The following EPG5 variants were observed in gnomAD, a reference collection of about 807,000 sequenced individuals.
EPG5 encodes ectopic P granules protein 5 homolog.
EPG5 carries 159 observed loss-of-function variants against 302.7 expected under a neutral mutation model. That is an observed-to-expected ratio of 0.53 (90% CI 0.46 to 0.60). The LOEUF is 0.60. EPG5 is among the 20% of genes least tolerant of loss of function. The pLI, the probability that EPG5 is intolerant of heterozygous loss-of-function variation, is 0.00. For missense variants in EPG5, 2,896 were observed against 3,092.4 expected, an observed-to-expected ratio of 0.94 and a Z score of 1.51; for synonymous variants, 1,158 against 1,136.8, an observed-to-expected ratio of 1.02 and a Z score of -0.37.
chr18:45,967,075 G>T, intron 1 of EPG5, 102 bp downstream of exon 1: 1 of 1,149,970 alleles, frequency 8.7e-7, no homozygotes, highest in Non-Finnish European at 1.2e-6. Flanking sequence ...AAGATGCAGA[G>T]GGCTCAGGGA....
chr18:45,866,087 T>C (rs750782357), intron 38 of EPG5, among the ~76,000 whole-genome samples: 3 of 151,684 alleles, frequency 2.0e-5, no homozygotes, highest in Non-Finnish European at 4.4e-5. Flanking sequence ...TCGAATTCAA[T>C]CCTCAAAACA....
chr18:45,835,509 A>G, the EPG5 span, among the ~76,000 whole-genome samples: 1 of 152,220 alleles, frequency 6.6e-6, no homozygotes, highest in African/African-American at 2.4e-5. Context: ...CAGGAAGAGA[A>G]GAGAAAAAAT....
chr18:45,922,209 C>T, intron 16 of EPG5, 132 bp downstream of exon 16: 2 of 1,133,176 alleles, frequency 1.8e-6, no homozygotes, highest in South Asian at 1.6e-5. Context: ...AGCTGTTAAT[C>T]AAGGATTATT....
At chr18:45,921,509 C>T (rs975815997) in intron 16 of EPG5, among the ~76,000 whole-genome samples, 1 of 152,184 alleles carries the variant, frequency 6.6e-6, no homozygotes, top group Non-Finnish European at 1.5e-5. Flanking sequence ...AAAATGGTAA[C>T]ACAAGACAAA....
intron 38 of EPG5, 110 bp from the exon 39 acceptor site, chr18:45,865,869 G>C (rs1324559388): frequency 7.9e-7 from 1 of 1,268,202 alleles, no homozygotes. Flanking sequence ...AGGGAGTAGA[G>C]GGGACAGAAC....
chr18:45,881,855 C>T (rs28460769), intron 31 of EPG5, among the ~76,000 whole-genome samples: 5,703 of 152,234 alleles, frequency 0.037, 316 homozygotes, highest in African/African-American at 0.12. Flanking sequence ...AAAGGAAAAA[C>T]TCCCAAAATG....
intron 5 of EPG5, 122 bp downstream of exon 5, chr18:45,949,362 A>G: frequency 1.7e-6 from 1 of 593,494 alleles, no homozygotes; most frequent in Admixed American, 3.2e-5. Flanking sequence ...ATATTTTAAG[A>G]ATTTTATTTT....
chr18:45,905,495 T>C (rs1039107024), intron 24 of EPG5, among the ~76,000 whole-genome samples: 1 of 152,220 alleles, frequency 6.6e-6, no homozygotes, highest in Non-Finnish European at 1.5e-5. Context: ...GAGTGTTCAA[T>C]GTGCTGGGCT....
Position 45,850,150 on chromosome 18 carries a change from TG to T in EPG5, c.*2316del, listed in dbSNP as rs938287168. ...CCCGATGCCACTGTTGGCCACCCTG[TG>T]GTGAAGTCTGGAGCCTGCAGCCGTT... On this transcript the variant is annotated 3_prime_UTR_variant, in exon 44 of 44. Transcript: ENST00000282041. 8.5e-5 allele frequency: 13 copies of T among 152,342 alleles called. No individual in the cohort carries two copies. Among genetic ancestry groups the T allele is most frequent in the African/African-American group, 2.9e-4 (12 of 41,448 alleles). 9.4% of individuals were successfully genotyped at this position (152,342 alleles called of 1,614,324 possible). A position where few individuals can be genotyped will look rare whatever the true frequency, so the allele number is the denominator to read the frequency against.
At chr18:45,898,126 G>A (rs1481510707) in intron 27 of EPG5, among the ~76,000 whole-genome samples, 2 of 152,200 alleles carry the variant, frequency 1.3e-5, no homozygotes, top group Non-Finnish European at 2.9e-5. Flanking sequence ...TTGGGAGTCC[G>A]AGACAGGCAG....
In EPG5 at chr18:45,925,898, G is replaced by A; in HGVS notation, c.2558C>T (p.Ser853Phe). ...AGGCAGTTCTTTAAACAAGTATAGAGAAACCTTATTAAAAAGAAAACAATA... is the reference window on the plus strand; with the variant it reads ...AGGCAGTTCTTTAAACAAGTATAGAAAAACCTTATTAAAAAGAAAACAATA... ...QETIDQVGMV[S>F]LYLFKELPLY... is the part of the protein sequence containing the mutation. The change falls in exon 14 of 44, where the codon TCT becomes TTT. Residue 853 changes from serine to phenylalanine, a missense_variant. Physicochemically the swap from Ser to Phe is radical, Grantham distance 155. Transcript: ENST00000282041. 7.1e-7 allele frequency: 1 copy of A among 1,408,478 alleles called. No individual in the cohort carries two copies. The highest frequency in any genetic ancestry group is 9.3e-7 in the Non-Finnish European group (1 of 1,072,386). The allele number at this position is 1,408,478 out of a possible 1,614,324, so 87.2% of individuals were successfully genotyped here. A position where few individuals can be genotyped will look rare whatever the true frequency, so the allele number is the denominator to read the frequency against.
At position 45,917,822 on chromosome 18, in the gene EPG5, A is replaced by G; in HGVS notation, c.3099-3T>C. 6.2e-7 allele frequency: 1 copy of G among 1,613,966 alleles called. No individual in the cohort carries two copies. Among genetic ancestry groups the G allele is most frequent in the Non-Finnish European group, 8.5e-7 (1 of 1,179,906 alleles). Reference sequence around the variant, plus strand: ...CTTCTGCACAGAACTTCTCAATGCTATGGAAAAAGAGAAAGGCACTGAATA... The same window carrying G: ...CTTCTGCACAGAACTTCTCAATGCTGTGGAAAAAGAGAAAGGCACTGAATA... On this transcript the variant is annotated splice_region_variant and splice_polypyrimidine_tract_variant and intron_variant, in intron 16 of 43. Transcript: ENST00000282041.
chr18:45,840,122 C>A, the EPG5 span: 1 of 1,464,202 alleles, frequency 6.8e-7, no homozygotes, highest in Non-Finnish European at 9.5e-7. Context: ...TCCTCGAGAC[C>A]CCTTCCACAT....
intron 21 of EPG5, 100 bp downstream of exon 21, chr18:45,913,606 A>G: frequency 7.0e-7 from 1 of 1,436,690 alleles, no homozygotes; most frequent in Non-Finnish European, 9.5e-7. Context: ...AAACATTCAC[A>G]ACAAAATAAA....
intron 16 of EPG5, among the ~76,000 whole-genome samples, chr18:45,918,562 G>T (rs1321015911): frequency 6.6e-6 from 1 of 151,820 alleles, no homozygotes; most frequent in Non-Finnish European, 1.5e-5. Flanking sequence ...TCTCAAATAC[G>T]GAAAAAAATA....
At chr18:45,896,811 T>C (rs1003745794) in intron 27 of EPG5, among the ~76,000 whole-genome samples, 2 of 152,154 alleles carry the variant, frequency 1.3e-5, no homozygotes, top group Admixed American at 1.3e-4. Context: ...CCTCCCAAAG[T>C]GCTAGGATTA....
At chr18:45,865,546 T>G in intron 39 of EPG5, 69 bp downstream of exon 39, 1 of 1,517,054 alleles carries the variant, frequency 6.6e-7, no homozygotes, top group Non-Finnish European at 9.1e-7. Flanking sequence ...CCTCCTGATC[T>G]CACAGTGCCT....
In EPG5 at chr18:45,860,275, C is replaced by T. The variant is rs373340664; in HGVS notation, c.6838G>A (p.Ala2280Thr). The change falls in exon 40 of 44, where the codon GCG becomes ACG. Residue 2280 changes from alanine to threonine, a missense_variant. By Grantham distance (58) the Ala-to-Thr change is moderately conservative (BLOSUM62 0). This residue lies in a region of EPG5 where 620 missense variants were observed against 704.2 expected (regional missense o/e 0.88). Coordinates refer to ENST00000282041, the MANE Select transcript of EPG5 (RefSeq NM_020964.3). ...FMEVLMMMNN[A>T]TIPTAEFLRG... Reference sequence around the variant, plus strand: ...AGGAACTCTGCTGTTGGAATAGTCGCGTTGTTCATCATCATCAGGACTTCC... The same window carrying T: ...AGGAACTCTGCTGTTGGAATAGTCGTGTTGTTCATCATCATCAGGACTTCC... 2.9e-5 allele frequency: 47 copies of T among 1,614,178 alleles called. No homozygotes were observed. Among genetic ancestry groups the T allele is most frequent in the Admixed American group, 2.3e-4 (14 of 60,024 alleles).
intron 29 of EPG5, among the ~76,000 whole-genome samples, chr18:45,887,430 G>T (rs754184978): frequency 2.0e-5 from 3 of 152,134 alleles, no homozygotes; most frequent in African/African-American, 4.8e-5. Context: ...TCCCCATGAG[G>T]ATTAAACAAA....
Sources: gnomAD v4.1 joint callset for allele counts (sites outside exome capture counted in the v4.1 genomes callset) on GRCh38, gnomAD v4.1.1 for gene constraint, gnomAD v4.1.1 regional missense constraint, MANE v1.5 for transcripts, NCBI Gene and HGNC (gene_info 2026-07-23, HGNC 2026-07-21) for gene names.